Variants in FAF1 observed in about 807,000 individuals in gnomAD.
FAF1 encodes the protein FAS-associated factor 1.
Under a neutral mutation model 92.5 loss-of-function variants are expected in FAF1, and 25 were observed. The observed-to-expected ratio is 0.27, with a 90% CI of 0.20 to 0.38. FAF1 has a LOEUF of 0.38. Ranked by LOEUF, FAF1 falls within the 10% of genes least tolerant of loss-of-function variation. The pLI is 1.00. For missense variants in FAF1, 636 were observed against 793.3 expected (o/e 0.80, Z 2.38); for synonymous variants, 234 against 273.2 (o/e 0.86, Z 1.42).
rs183931969 is a variant in FAF1, at chr1:50,956,189, T to C, written c.45+3578A>G. 7.5e-4 allele frequency among the ~76,000 whole-genome samples: 114 copies of C among 152,198 alleles called. 3 individuals carry two copies. Among genetic ancestry groups the C allele is most frequent in the Admixed American group, 7.0e-3 (107 of 15,274 alleles). On this transcript the variant is annotated intron_variant, in intron 1 of 18. Transcript: ENST00000396153. Reference sequence around the variant, plus strand: ...CCACAATTTTTTTTTCATTAACAGATTGGGGGAGGATTTTCTTAGAGGACA... The same window carrying C: ...CCACAATTTTTTTTTCATTAACAGACTGGGGGAGGATTTTCTTAGAGGACA...
chr1:50,740,967 A>T (rs1659364426), intron 5 of FAF1, among the ~76,000 whole-genome samples: 1 of 152,202 alleles, frequency 6.6e-6, no homozygotes, highest in Non-Finnish European at 1.5e-5. Context: ...ATTTTCTATT[A>T]AATTTTCCCA....
At chr1:50,496,946 T>C (rs1646906549) in intron 15 of FAF1, among the ~76,000 whole-genome samples, 2 of 151,564 alleles carry the variant, frequency 1.3e-5, no homozygotes, top group East Asian at 1.9e-4. Context: ...GTAAGTGAAG[T>C]TGGAGTCTGG....
chr1:50,763,163 C>T (rs572745047), intron 4 of FAF1, among the ~76,000 whole-genome samples: 3 of 152,196 alleles, frequency 2.0e-5, no homozygotes, highest in Admixed American at 2.0e-4. Context: ...GTGGCTGAGG[C>T]AGGAGAATCA....
At chr1:50,779,962 C>T (rs1412001621) in intron 4 of FAF1, among the ~76,000 whole-genome samples, 2 of 142,462 alleles carry the variant, frequency 1.4e-5, no homozygotes, top group Non-Finnish European at 3.1e-5. Flanking sequence ...CAAAGCATAT[C>T]ACTACAAGCA....
intron 7 of FAF1, among the ~76,000 whole-genome samples, chr1:50,689,318 C>T (rs1264952670): frequency 6.6e-6 from 1 of 152,152 alleles, no homozygotes; most frequent in Non-Finnish European, 1.5e-5. Context: ...GGCGCAGTGG[C>T]TCACGCCTGT....
At chr1:50,884,389 A>T (rs1014252655) in intron 1 of FAF1, among the ~76,000 whole-genome samples, 1 of 151,684 alleles carries the variant, frequency 6.6e-6, no homozygotes, top group Non-Finnish European at 1.5e-5. Context: ...TTAGCCGGGC[A>T]TGGTGATATG....
chr1:50,529,694 G>A (rs1232254013), intron 15 of FAF1, among the ~76,000 whole-genome samples: 1 of 152,104 alleles, frequency 6.6e-6, no homozygotes, highest in Non-Finnish European at 1.5e-5. Context: ...TTGAGAACAT[G>A]TCTGGCTCAC....
intron 1 of FAF1, among the ~76,000 whole-genome samples, chr1:50,932,383 T>C (rs917679633): frequency 2.0e-5 from 3 of 152,130 alleles, no homozygotes; most frequent in Non-Finnish European, 4.4e-5. Flanking sequence ...CCATTCTACA[T>C]GGGAGAAATT....
In FAF1 at chr1:50,654,376, T is replaced by A. The variant is rs529895102; in HGVS notation, c.744+1066A>T. Among the ~76,000 whole-genome samples the A allele has an allele frequency of 3.3e-5, 5 of 152,238 alleles. No homozygotes were observed. In the South Asian group the frequency reaches 8.3e-4, roughly 25 times the overall value. On this transcript the variant is annotated intron_variant, in intron 8 of 18. Transcript: ENST00000396153. Reference sequence around the variant, plus strand: ...CATTCTCATTTTTACTTTTACTTTTTAAAAAAACTTAGGTATCTGGTTAGA... The same window carrying A: ...CATTCTCATTTTTACTTTTACTTTTAAAAAAAACTTAGGTATCTGGTTAGA...
chr1:50,657,551 T>C (rs927234913), intron 7 of FAF1, among the ~76,000 whole-genome samples: 1 of 152,164 alleles, frequency 6.6e-6, no homozygotes, highest in African/African-American at 2.4e-5. Context: ...AGTGAGACCC[T>C]GTCTCAAAAA....
intron 5 of FAF1, among the ~76,000 whole-genome samples, chr1:50,743,597 G>A (rs1659472849): frequency 6.6e-6 from 1 of 151,952 alleles, no homozygotes; most frequent in Non-Finnish European, 1.5e-5. Flanking sequence ...CAAAGTGATA[G>A]GATTATAGGC....
At chr1:50,911,875 A>T (rs1205824126) in intron 1 of FAF1, among the ~76,000 whole-genome samples, 1 of 152,050 alleles carries the variant, frequency 6.6e-6, no homozygotes, top group South Asian at 2.1e-4. Flanking sequence ...TCTACAAAAA[A>T]CATACAGAAA....
intron 1 of FAF1, 87 bp from the exon 2 acceptor site, chr1:50,858,084 T>C: frequency 1.1e-6 from 1 of 878,318 alleles, no homozygotes; most frequent in Non-Finnish European, 1.8e-6. Context: ...GCATAATATG[T>C]AATTTAAATT....
chr1:50,735,587 T>C (rs1053306008), intron 6 of FAF1, among the ~76,000 whole-genome samples: 2 of 152,232 alleles, frequency 1.3e-5, no homozygotes, highest in Non-Finnish European at 2.9e-5. Flanking sequence ...AAAATCAAGT[T>C]AAGAAGTTTT....
chr1:50,718,225 T>C (rs547883913), intron 6 of FAF1, among the ~76,000 whole-genome samples: 1 of 152,078 alleles, frequency 6.6e-6, no homozygotes, highest in Non-Finnish European at 1.5e-5. Flanking sequence ...GAGACAGAGT[T>C]TCACCATGTT....
At chr1:50,827,541 G>A (rs1002464176) in intron 2 of FAF1, among the ~76,000 whole-genome samples, 12 of 152,204 alleles carry the variant, frequency 7.9e-5, no homozygotes, top group Admixed American at 5.9e-4. Context: ...CTTTGTTCAC[G>A]TGTTTATCTG....
At chr1:50,886,158 T>C (rs1265809774) in intron 1 of FAF1, among the ~76,000 whole-genome samples, 3 of 152,182 alleles carry the variant, frequency 2.0e-5, no homozygotes, top group African/African-American at 7.2e-5. Flanking sequence ...TTTCTGTGTA[T>C]TTACTGTTGC....
At chr1:50,814,130 C>T (rs774747858) in intron 2 of FAF1, among the ~76,000 whole-genome samples, 4 of 152,066 alleles carry the variant, frequency 2.6e-5, no homozygotes, top group Non-Finnish European at 4.4e-5. Flanking sequence ...CCCTAAATAT[C>T]TCACTGTACT....
rs75228748 is a variant in FAF1 at position 50,484,583 on chromosome 1, G to A, written c.1653+6005C>T. ...TGAGTTTAGCACATATTAATTGTGC[G>A]ATAGTGGTGATAATGCCAATGATGA... On this transcript the variant is annotated intron_variant, in intron 17 of 18. Transcript: ENST00000396153. 5.9e-5 allele frequency among the ~76,000 whole-genome samples: 9 copies of A among 152,222 alleles called. No individual in the cohort carries two copies. In the East Asian group the frequency reaches 7.7e-4, roughly 13 times the overall value.
Sources: allele counts gnomAD v4.1 joint callset (sites outside exome capture counted in the v4.1 genomes callset), GRCh38; gene constraint gnomAD v4.1.1; transcripts MANE v1.5; gene names NCBI Gene and HGNC (gene_info 2026-07-23, HGNC 2026-07-21).